Variants in FGGY observed in about 807,000 individuals in gnomAD.
FGGY encodes FGGY carbohydrate kinase domain-containing protein.
FGGY carries 72 observed loss-of-function variants against 71.3 expected under a neutral mutation model. The ratio of observed to expected loss-of-function variants is 1.01; its 90% confidence interval spans 0.84 to 1.23. The LOEUF is 1.23. Among genes scored for constraint, FGGY ranks in the 50% most tolerant of loss-of-function variants. FGGY has a pLI of 0.00. For synonymous variants in FGGY, 251 were observed against 250.3 expected (o/e 1.00, Z -0.02); for missense variants, 668 against 682.3 (o/e 0.98, Z 0.23).
chr1:59,382,804 G>A (rs904485017), intron 5 of FGGY, among the ~76,000 whole-genome samples: 2 of 152,184 alleles, frequency 1.3e-5, no homozygotes, highest in South Asian at 2.1e-4. Context: ...GGAGGAGAAC[G>A]TGGCTTTCCT....
intron 5 of FGGY, among the ~76,000 whole-genome samples, chr1:59,416,189 G>A (rs949592066): frequency 4.6e-5 from 7 of 152,214 alleles, no homozygotes; most frequent in African/African-American, 1.7e-4. Flanking sequence ...GAAGAAGCAT[G>A]TATCAGGAAT....
intron 5 of FGGY, among the ~76,000 whole-genome samples, chr1:59,406,563 C>T (rs1557824603): frequency 6.6e-6 from 1 of 152,092 alleles, no homozygotes; most frequent in African/African-American, 2.4e-5. Flanking sequence ...ATTGACTCAA[C>T]AATATATATT....
At chr1:59,570,035 T>G (rs2095954944) in intron 8 of FGGY, among the ~76,000 whole-genome samples, 1 of 152,200 alleles carries the variant, frequency 6.6e-6, no homozygotes, top group Non-Finnish European at 1.5e-5. Flanking sequence ...CCATTGTGAC[T>G]GTGAATTCTC....
At chr1:59,480,349 G>A (rs891758280) in intron 6 of FGGY, among the ~76,000 whole-genome samples, 1 of 152,152 alleles carries the variant, frequency 6.6e-6, no homozygotes, top group African/African-American at 2.4e-5. Flanking sequence ...CTCACCGCAA[G>A]ATCTGCTCTC....
At chr1:59,383,853 T>C (rs1255585199) in intron 5 of FGGY, among the ~76,000 whole-genome samples, 2 of 152,198 alleles carry the variant, frequency 1.3e-5, no homozygotes, top group Non-Finnish European at 1.5e-5. Context: ...TTACATGTAT[T>C]GATTGATGTC....
intron 8 of FGGY, among the ~76,000 whole-genome samples, chr1:59,574,192 C>G (rs2096038847): frequency 6.6e-6 from 1 of 152,210 alleles, no homozygotes; most frequent in Non-Finnish European, 1.5e-5. Context: ...GGGCCGTACT[C>G]CCTCTGGAGG....
At chr1:59,591,431 A>G (rs1454843809) in intron 8 of FGGY, among the ~76,000 whole-genome samples, 5 of 152,306 alleles carry the variant, frequency 3.3e-5, no homozygotes. Context: ...CAGAATTGGA[A>G]AAAACTACTT....
chr1:59,394,305 T>C (rs2061056231), intron 5 of FGGY, among the ~76,000 whole-genome samples: 1 of 152,218 alleles, frequency 6.6e-6, no homozygotes, highest in African/African-American at 2.4e-5. Flanking sequence ...ATATTCATAA[T>C]TGTATTCCTT....
chr1:59,616,953 TA>T (rs1445054830), intron 9 of FGGY, among the ~76,000 whole-genome samples: 1 of 152,178 alleles, frequency 6.6e-6, no homozygotes, highest in Non-Finnish European at 1.5e-5. Context: ...GATGGCCTTT[TA>T]ATATGTTTTA....
intron 10 of FGGY, among the ~76,000 whole-genome samples, chr1:59,629,948 G>T (rs997451430): frequency 1.3e-5 from 2 of 152,148 alleles, no homozygotes; most frequent in Non-Finnish European, 1.5e-5. Context: ...TTCTTGCACT[G>T]CTGTGAAGAA....
At chr1:59,512,166 A>G (rs2094534401) in intron 6 of FGGY, 145 bp from the exon 7 acceptor site, 2 of 792,868 alleles carry the variant, frequency 2.5e-6, no homozygotes, top group East Asian at 3.0e-5. Flanking sequence ...GGATGAGCAA[A>G]GGGACTCTTG....
At chr1:59,751,333 C>T (rs1039422740) in intron 14 of FGGY, among the ~76,000 whole-genome samples, 66 of 152,268 alleles carry the variant, frequency 4.3e-4, no homozygotes, top group African/African-American at 1.3e-3. Context: ...CAGTGGTAGT[C>T]GGCCCCTAAG....
At chr1:59,630,149 T>C (rs891211611) in intron 10 of FGGY, among the ~76,000 whole-genome samples, 1 of 152,064 alleles carries the variant, frequency 6.6e-6, no homozygotes, top group African/African-American at 2.4e-5. Context: ...TCAGATCTCA[T>C]GAGAAGTCAC....
intron 6 of FGGY, among the ~76,000 whole-genome samples, chr1:59,509,477 C>G (rs2094468117): frequency 6.6e-6 from 1 of 152,158 alleles, no homozygotes; most frequent in African/African-American, 2.4e-5. Context: ...TAAGTTCAAA[C>G]ACTTAAGTAT....
intron 4 of FGGY, among the ~76,000 whole-genome samples, chr1:59,373,575 C>T (rs553520191): frequency 6.6e-6 from 1 of 152,074 alleles, no homozygotes; most frequent in Admixed American, 6.5e-5. Flanking sequence ...TCATATGGAA[C>T]CAAAAAAGAG....
At chr1:59,430,944 G>A (rs1201722957) in intron 5 of FGGY, among the ~76,000 whole-genome samples, 1 of 152,070 alleles carries the variant, frequency 6.6e-6, no homozygotes, top group Non-Finnish European at 1.5e-5. Flanking sequence ...TTCTTTCTGT[G>A]TTTTCTATCA....
At chr1:59,706,031 G>T (rs1349547676) in intron 14 of FGGY, among the ~76,000 whole-genome samples, 1 of 152,188 alleles carries the variant, frequency 6.6e-6, no homozygotes, top group Admixed American at 6.5e-5. Flanking sequence ...ATTCTCCACA[G>T]TGGCCGACCC....
At chr1:59,381,295 G>C (rs892834099) in intron 5 of FGGY, among the ~76,000 whole-genome samples, 2 of 152,140 alleles carry the variant, frequency 1.3e-5, no homozygotes, top group African/African-American at 4.8e-5. Flanking sequence ...GGTTCCATGT[G>C]AACTTTAAAG....
chr1:59,731,924 A>C (rs954073148), intron 14 of FGGY, among the ~76,000 whole-genome samples: 1 of 152,116 alleles, frequency 6.6e-6, no homozygotes, highest in African/African-American at 2.4e-5. Context: ...TGCTAGATAC[A>C]GTTAAGCCAG....
Sources: gnomAD v4.1 joint callset for allele counts (sites outside exome capture counted in the v4.1 genomes callset) on GRCh38, gnomAD v4.1.1 for gene constraint, MANE v1.5 for transcripts, NCBI Gene and HGNC (gene_info 2026-07-23, HGNC 2026-07-21) for gene names.